NTNG1: variants seen among roughly 807,000 people sequenced by gnomAD.
The protein encoded by NTNG1 is netrin-G1.
A neutral mutation model predicts 54.0 loss-of-function variants in NTNG1; 16 were observed. The ratio of observed to expected loss-of-function variants is 0.30; its 90% CI spans 0.20 to 0.45. NTNG1 has a LOEUF of 0.45. Ranked by LOEUF, NTNG1 falls within the 20% of genes least tolerant of loss-of-function variation. NTNG1 has a pLI of 1.00. For synonymous variants in NTNG1, 255 were observed against 263.1 expected, an observed-to-expected ratio of 0.97 and a Z score of 0.30; for missense variants, 530 against 678.7, an observed-to-expected ratio of 0.78 and a Z score of 2.43.
chr1:107,224,156 C>T (rs1053488201), intron 2 of NTNG1, among the ~76,000 whole-genome samples: 1 of 152,042 alleles, frequency 6.6e-6, no homozygotes, highest in Admixed American at 6.6e-5. Context: ...ACAAAAACAC[C>T]ATGCAAGAGA....
intron 2 of NTNG1, among the ~76,000 whole-genome samples, chr1:107,281,363 T>C (rs1444922170): frequency 6.6e-6 from 1 of 152,040 alleles, no homozygotes; most frequent in African/African-American, 2.4e-5. Context: ...GATTTTTTTT[T>C]CAGAAAAATA....
chr1:107,246,854 A>G (rs1449458332), intron 2 of NTNG1, among the ~76,000 whole-genome samples: 1 of 152,230 alleles, frequency 6.6e-6, no homozygotes, highest in Non-Finnish European at 1.5e-5. Flanking sequence ...TTCATGATAT[A>G]CAACACCCAT....
intron 2 of NTNG1, among the ~76,000 whole-genome samples, chr1:107,203,718 TA>T (rs1275678732): frequency 1.3e-5 from 2 of 151,628 alleles, no homozygotes; most frequent in Non-Finnish European, 3.0e-5. Context: ...TATCTATTTT[TA>T]TTCAGACTTG....
intron 1 of NTNG1, among the ~76,000 whole-genome samples, chr1:107,142,924 C>A (rs567000170): frequency 2.6e-5 from 4 of 152,268 alleles, no homozygotes; most frequent in Admixed American, 2.0e-4. Flanking sequence ...AAAGGAAAAG[C>A]AGCTCAGTAA....
intron 2 of NTNG1, among the ~76,000 whole-genome samples, chr1:107,167,075 T>C (rs879509641): frequency 6.6e-6 from 1 of 152,102 alleles, no homozygotes; most frequent in Non-Finnish European, 1.5e-5. Context: ...AATTCTCAAA[T>C]ACTGATTCAT....
chr1:107,414,504 A>T (rs575714209), intron 5 of NTNG1, among the ~76,000 whole-genome samples: 23 of 152,300 alleles, frequency 1.5e-4, no homozygotes, highest in East Asian at 3.9e-4. Flanking sequence ...TTGCTTTCTG[A>T]ATAATAGTAA....
intron 3 of NTNG1, among the ~76,000 whole-genome samples, chr1:107,367,344 C>T (rs896286036): frequency 6.6e-6 from 1 of 152,032 alleles, no homozygotes; most frequent in Admixed American, 6.6e-5. Flanking sequence ...TGAAACTCCT[C>T]GATGAAGGGC....
At chr1:107,235,560 T>C (rs928292871) in intron 2 of NTNG1, among the ~76,000 whole-genome samples, 1 of 152,148 alleles carries the variant, frequency 6.6e-6, no homozygotes, top group African/African-American at 2.4e-5. Context: ...CTCCATCAAG[T>C]TCTCATGGTG....
intron 2 of NTNG1, among the ~76,000 whole-genome samples, chr1:107,239,735 G>A (rs1261103248): frequency 6.6e-6 from 1 of 152,190 alleles, no homozygotes; most frequent in Non-Finnish European, 1.5e-5. Flanking sequence ...GGTTGGCTTA[G>A]AGTTGGGGTG....
At chr1:107,243,449 C>T (rs1661976090) in intron 2 of NTNG1, among the ~76,000 whole-genome samples, 1 of 152,210 alleles carries the variant, frequency 6.6e-6, no homozygotes, top group Non-Finnish European at 1.5e-5. Context: ...AAAGTCCCAC[C>T]ACTGTTAAAT....
intron 2 of NTNG1, among the ~76,000 whole-genome samples, chr1:107,201,537 C>G (rs1226732788): frequency 1.3e-5 from 2 of 151,758 alleles, no homozygotes; most frequent in South Asian, 2.1e-4. Flanking sequence ...AAGATGTTAT[C>G]TCTTGTGCCT....
At chr1:107,451,762 G>T (rs1406378367) in intron 7 of NTNG1, among the ~76,000 whole-genome samples, 1 of 152,122 alleles carries the variant, frequency 6.6e-6, no homozygotes, top group Non-Finnish European at 1.5e-5. Context: ...TTTATTGACT[G>T]TTTGAATCCT....
chr1:107,461,627 G>T (rs190226475), intron 7 of NTNG1, among the ~76,000 whole-genome samples: 2 of 151,124 alleles, frequency 1.3e-5, no homozygotes, highest in Non-Finnish European at 2.9e-5. Flanking sequence ...TCTGCCTCCC[G>T]GGTTCAAGCG....
At chr1:107,388,803 T>C (rs1672183019) in intron 3 of NTNG1, among the ~76,000 whole-genome samples, 1 of 152,174 alleles carries the variant, frequency 6.6e-6, no homozygotes, top group Non-Finnish European at 1.5e-5. Context: ...AGGTGGGAAC[T>C]GGAAATTCAT....
chr1:107,244,225 C>T (rs2101591096), intron 2 of NTNG1, among the ~76,000 whole-genome samples: 1 of 152,336 alleles, frequency 6.6e-6, no homozygotes, highest in African/African-American at 2.4e-5. Flanking sequence ...GTGTTACCTA[C>T]ATTTGCTTAT....
intron 2 of NTNG1, among the ~76,000 whole-genome samples, chr1:107,177,059 ATCT>A (rs1656699821): frequency 6.6e-6 from 1 of 152,044 alleles, no homozygotes; most frequent in East Asian, 1.9e-4. Context: ...AACTTCCTAA[ATCT>A]TCTTCTTCAG....
chr1:107,227,666 G>T (rs866710809), intron 2 of NTNG1, among the ~76,000 whole-genome samples: 13 of 144,572 alleles, frequency 9.0e-5, no homozygotes, highest in East Asian at 6.1e-4. Context: ...TGTCTCTCTC[G>T]CTCTCTCTCT....
intron 2 of NTNG1, among the ~76,000 whole-genome samples, chr1:107,237,026 A>G (rs1196762801): frequency 6.6e-6 from 1 of 152,202 alleles, no homozygotes; most frequent in East Asian, 1.9e-4. Context: ...AGAGATTGGA[A>G]CAGTTTGGAG....
chr1:107,420,430 T>C (rs1213857764), intron 5 of NTNG1, among the ~76,000 whole-genome samples: 1 of 152,106 alleles, frequency 6.6e-6, no homozygotes, highest in East Asian at 1.9e-4. Context: ...TGTTCTGTTT[T>C]GGCTATTTTC....
Sources: allele counts gnomAD v4.1 joint callset (sites outside exome capture counted in the v4.1 genomes callset), GRCh38; gene constraint gnomAD v4.1.1; transcripts MANE v1.5; gene names NCBI Gene and HGNC (gene_info 2026-07-23, HGNC 2026-07-21).